RTN1: variants seen among roughly 807,000 people sequenced by gnomAD.
RTN1 encodes reticulon-1.
Under a neutral mutation model 65.5 loss-of-function variants are expected in RTN1, and 25 were observed. The ratio of observed to expected loss-of-function variants is 0.38; its 90% CI spans 0.28 to 0.53. The LOEUF is 0.53. RTN1 is among the 20% of genes least tolerant of loss of function. The pLI, the probability that RTN1 is intolerant of heterozygous loss-of-function variation, is 0.79. For missense variants in RTN1, 983 were observed against 1,025.4 expected, an observed-to-expected ratio of 0.96 and a Z score of 0.57; for synonymous variants, 471 against 447.6, an observed-to-expected ratio of 1.05 and a Z score of -0.66.
intron 8 of RTN1, among the ~76,000 whole-genome samples, chr14:59,598,657 T>A (rs545589395): frequency 6.6e-6 from 1 of 152,224 alleles, no homozygotes; most frequent in Non-Finnish European, 1.5e-5. Flanking sequence ...CACTCCTTCA[T>A]GGGGCAGATG....
At chr14:59,612,631 A>G (rs1881988502) in intron 3 of RTN1, among the ~76,000 whole-genome samples, 1 of 152,206 alleles carries the variant, frequency 6.6e-6, no homozygotes, top group Non-Finnish European at 1.5e-5. Flanking sequence ...CCTGCTTCTC[A>G]AGCCAGCTTG....
At chr14:59,772,212 A>T (rs1429037206) in intron 1 of RTN1, among the ~76,000 whole-genome samples, 1 of 152,224 alleles carries the variant, frequency 6.6e-6, no homozygotes, top group Non-Finnish European at 1.5e-5. Flanking sequence ...ATTGGCTTTT[A>T]AAAAACAAAA....
At position 59,834,582 on chromosome 14, in the gene RTN1, G is replaced by A. The variant is rs200199717; in HGVS notation, c.241+35808C>T. ...GATACCTAATGAAAGAAGATATATG[G>A]CTAGCAAAGAAGATATATGGCATTT... On this transcript the variant is annotated intron_variant, in intron 1 of 8. Coordinates refer to ENST00000267484, the MANE Select transcript of RTN1 (RefSeq NM_021136.3). 2.0e-5 allele frequency among the ~76,000 whole-genome samples: 3 copies of A among 152,050 alleles called. No homozygotes were observed. In the East Asian group the frequency reaches 5.8e-4, roughly 29 times the overall value.
intron 3 of RTN1, among the ~76,000 whole-genome samples, chr14:59,700,731 C>G (rs1884160569): frequency 6.6e-6 from 1 of 151,942 alleles, no homozygotes; most frequent in South Asian, 2.1e-4. Flanking sequence ...GAATCAAAGA[C>G]CTAAATGAAA....
chr14:59,662,813 A>G (rs1014706551), intron 3 of RTN1, among the ~76,000 whole-genome samples: 1 of 152,214 alleles, frequency 6.6e-6, no homozygotes, highest in African/African-American at 2.4e-5. Flanking sequence ...GATAGGAAGA[A>G]TCAATATCAT....
chr14:59,605,331 G>A, intron 5 of RTN1, 37 bp downstream of exon 5: 1 of 1,596,986 alleles, frequency 6.3e-7, no homozygotes, highest in Non-Finnish European at 8.5e-7. Flanking sequence ...GAAAATAACA[G>A]TCAAGACTGT....
Position 59,774,143 on chromosome 14 carries a change from ATGCTT to A in RTN1, c.242-27667_242-27663del, listed in dbSNP as rs1307620985. 1.3e-3 allele frequency among the ~76,000 whole-genome samples: 197 copies of A among 152,280 alleles called. No individual in the cohort carries two copies. The highest frequency in any genetic ancestry group is 4.6e-3 in the African/African-American group (190 of 41,570). ...TGACAGTTCCACTTACATGAAAGAG[ATGCTT>A]TAAGTAGCAGAATTAAAACACAGTG... On this transcript the variant is annotated intron_variant, in intron 1 of 8. Coordinates refer to ENST00000267484, the MANE Select transcript of RTN1 (RefSeq NM_021136.3). This position sits in a 1 kb window ranked among gnomAD's most constrained non-coding sequence, Gnocchi z 5.1.
chr14:59,655,422 C>G (rs1411254475), intron 3 of RTN1, among the ~76,000 whole-genome samples: 1 of 152,164 alleles, frequency 6.6e-6, no homozygotes, highest in African/African-American at 2.4e-5. Context: ...GTCAAAATGT[C>G]ATTTAGTTTA....
intron 3 of RTN1, among the ~76,000 whole-genome samples, chr14:59,632,229 A>G (rs1056647528): frequency 1.3e-4 from 20 of 152,312 alleles, no homozygotes; most frequent in African/African-American, 4.6e-4. Flanking sequence ...AAGGAACAAC[A>G]ATGACCACAT....
At chr14:59,741,622 C>T (rs541834209) in intron 2 of RTN1, among the ~76,000 whole-genome samples, 2 of 152,256 alleles carry the variant, frequency 1.3e-5, no homozygotes, top group South Asian at 4.1e-4. Flanking sequence ...AGCTTAAAAC[C>T]CTCCAATGGC....
At chr14:59,612,891 T>C (rs577735492) in intron 3 of RTN1, among the ~76,000 whole-genome samples, 1 of 152,222 alleles carries the variant, frequency 6.6e-6, no homozygotes. Context: ...GGAAAAGCAA[T>C]AGAAACTGCT....
At chr14:59,606,133 CAGCTTA>C in intron 4 of RTN1, 1 of 99,980 alleles carries the variant, frequency 1.0e-5, no homozygotes. Flanking sequence ...TATATCATAC[CAGCTTA>C]AGCCTCCTCT....
chr14:59,739,504 G>C lies in RTN1; in HGVS notation c.1015+6204C>G, dbSNP rs1207898767. On this transcript the variant is annotated intron_variant, in intron 2 of 8. Transcript: ENST00000267484. ...TGCAGTGAGCCGAGATCATGCCACT[G>C]CACTCCAGCCTGGGCAACAGAGCGA... Among the ~76,000 whole-genome samples the C allele has an allele frequency of 2.7e-5, 4 of 149,124 alleles. No homozygotes were observed. In the East Asian group the frequency reaches 8.0e-4, roughly 30 times the overall value.
chr14:59,750,959 C>T (rs1566714365), intron 1 of RTN1, among the ~76,000 whole-genome samples: 1 of 147,110 alleles, frequency 6.8e-6, no homozygotes, highest in Non-Finnish European at 1.5e-5. Context: ...CTCAAATGAT[C>T]CTTCTGCCTT....
At chr14:59,679,630 C>T (rs1952042) in intron 3 of RTN1, among the ~76,000 whole-genome samples, 105,340 of 152,046 alleles carry the variant, frequency 0.69, 36,972 homozygotes, top group Non-Finnish European at 0.74. Flanking sequence ...ATCATTGTCA[C>T]TGCAAAAATT....
At chr14:59,676,425 T>C (rs1274567308) in intron 3 of RTN1, among the ~76,000 whole-genome samples, 1 of 152,164 alleles carries the variant, frequency 6.6e-6, no homozygotes, top group Non-Finnish European at 1.5e-5. Flanking sequence ...AGAGAACAGG[T>C]TCAATTAAGT....
At chr14:59,663,143 C>T (rs969688371) in intron 3 of RTN1, among the ~76,000 whole-genome samples, 7 of 152,110 alleles carry the variant, frequency 4.6e-5, no homozygotes, top group Non-Finnish European at 1.0e-4. Context: ...TTTGACAAAC[C>T]TGACAAGAAC....
At chr14:59,598,085 A>G (rs1337182216) in intron 8 of RTN1, among the ~76,000 whole-genome samples, 1 of 152,088 alleles carries the variant, frequency 6.6e-6, no homozygotes, top group Non-Finnish European at 1.5e-5. Context: ...TAAAAAAAAA[A>G]TTGGGAAATG....
chr14:59,856,775 A>G (rs1465359648), intron 1 of RTN1, among the ~76,000 whole-genome samples: 5 of 152,166 alleles, frequency 3.3e-5, no homozygotes, highest in African/African-American at 9.7e-5. Context: ...TTCATTCTCA[A>G]TCTTCATTCT....
Sources: allele counts gnomAD v4.1 joint callset (sites outside exome capture counted in the v4.1 genomes callset), GRCh38; gene constraint gnomAD v4.1.1; non-coding constraint Gnocchi (gnomAD v3.1); transcripts MANE v1.5; gene names NCBI Gene and HGNC (gene_info 2026-07-23, HGNC 2026-07-21).